The following USH2A variants were observed in gnomAD, a reference collection of about 807,000 sequenced individuals.
USH2A encodes the protein Usher syndrome 2A (autosomal recessive, mild).
In USH2A, 443 loss-of-function variants were observed where a neutral mutation model predicts 538.9. That is an observed-to-expected ratio of 0.82 (90% CI 0.76 to 0.89). USH2A has a LOEUF of 0.89. Among genes scored for constraint, USH2A ranks in the 40% least tolerant of loss-of-function variants. The pLI is 0.00. For missense variants in USH2A, 6,633 were observed against 6,324.8 expected, an observed-to-expected ratio of 1.05 and a Z score of -1.65; for synonymous variants, 2,413 against 2,273.5, an observed-to-expected ratio of 1.06 and a Z score of -1.75.
intron 21 of USH2A, among the ~76,000 whole-genome samples, chr1:216,150,725 A>G (rs567663937): frequency 1.3e-5 from 2 of 151,552 alleles, no homozygotes; most frequent in South Asian, 4.2e-4. Context: ...CCTTATATTA[A>G]CTCTACTCCC....
intron 35 of USH2A, among the ~76,000 whole-genome samples, chr1:215,978,042 A>C (rs1440050044): frequency 2.0e-5 from 3 of 152,128 alleles, no homozygotes; most frequent in Non-Finnish European, 4.4e-5. Flanking sequence ...TGGCAGAATC[A>C]CTCAGGCCCA....
chr1:215,892,153 G>A (rs1015509039), intron 40 of USH2A, among the ~76,000 whole-genome samples: 1 of 152,054 alleles, frequency 6.6e-6, no homozygotes, highest in African/African-American at 2.4e-5. Flanking sequence ...GCACACACTT[G>A]TTTGTATTTG....
At chr1:215,638,008 C>A (rs1326440983) in intron 69 of USH2A, among the ~76,000 whole-genome samples, 1 of 152,090 alleles carries the variant, frequency 6.6e-6, no homozygotes, top group Non-Finnish European at 1.5e-5. Flanking sequence ...AAAAGATGCT[C>A]CTTAAAAATT....
At chr1:216,114,490 AT>A (rs1254717183) in intron 21 of USH2A, among the ~76,000 whole-genome samples, 3 of 151,994 alleles carry the variant, frequency 2.0e-5, no homozygotes, top group Non-Finnish European at 2.9e-5. Flanking sequence ...TCCACTTATT[AT>A]TTTTGTCTTA....
At chr1:216,125,863 C>T (rs954572552) in intron 21 of USH2A, among the ~76,000 whole-genome samples, 70 of 152,264 alleles carry the variant, frequency 4.6e-4, no homozygotes, top group African/African-American at 1.5e-3. Flanking sequence ...TCCTTAATTC[C>T]TTAATTCAAT....
At chr1:215,736,005 A>G (rs1660145207) in intron 60 of USH2A, among the ~76,000 whole-genome samples, 1 of 152,190 alleles carries the variant, frequency 6.6e-6, no homozygotes, top group Non-Finnish European at 1.5e-5. Context: ...GTAAAAATGG[A>G]AAATTAGGGA....
chr1:215,743,341 A>G lies in USH2A; in HGVS notation c.11390-6T>C. ...AATTTCGGGGATGAGGATCCCTTTAAAGAGAGAGAGAGAGAGAGAACATTA... is the reference window on the plus strand; with the variant it reads ...AATTTCGGGGATGAGGATCCCTTTAGAGAGAGAGAGAGAGAGAGAACATTA... On this transcript the variant is annotated splice_region_variant and splice_polypyrimidine_tract_variant and intron_variant, in intron 58 of 71. Transcript: ENST00000307340. The G allele has an allele frequency of 6.8e-7, 1 of 1,461,914 alleles. No individual in the cohort carries two copies. Among genetic ancestry groups the G allele is most frequent in the Non-Finnish European group, 9.3e-7 (1 of 1,079,074 alleles). 90.6% of individuals were successfully genotyped at this position (1,461,914 alleles called of 1,614,324 possible).
At chr1:215,808,866 T>G (rs1571707656) in intron 49 of USH2A, among the ~76,000 whole-genome samples, 1 of 152,120 alleles carries the variant, frequency 6.6e-6, no homozygotes, top group African/African-American at 2.4e-5. Flanking sequence ...TAAACCCTCA[T>G]GTACAGGTTT....
intron 32 of USH2A, among the ~76,000 whole-genome samples, chr1:216,020,235 G>C (rs1668816762): frequency 6.6e-6 from 1 of 152,056 alleles, no homozygotes; most frequent in Non-Finnish European, 1.5e-5. Flanking sequence ...ACTTGGCCAG[G>C]CTATGGTATC....
intron 19 of USH2A, among the ~76,000 whole-genome samples, chr1:216,193,867 G>A (rs1287943191): frequency 3.3e-5 from 5 of 152,114 alleles, no homozygotes; most frequent in South Asian, 2.1e-4. Flanking sequence ...ACACCAGCCC[G>A]AGGACACAAA....
chr1:216,134,914 T>A (rs779968370), intron 21 of USH2A, among the ~76,000 whole-genome samples: 4 of 152,070 alleles, frequency 2.6e-5, no homozygotes, highest in Non-Finnish European at 5.9e-5. Context: ...CAGTAGTACA[T>A]AAGCATATGA....
At chr1:216,351,650 A>G (rs953774909) in intron 4 of USH2A, among the ~76,000 whole-genome samples, 13 of 152,096 alleles carry the variant, frequency 8.5e-5, no homozygotes, top group African/African-American at 2.4e-4. Flanking sequence ...CTTGACTGAT[A>G]TTTAACAGAA....
intron 58 of USH2A, among the ~76,000 whole-genome samples, chr1:215,744,791 C>T (rs1660426316): frequency 6.6e-6 from 1 of 152,176 alleles, no homozygotes; most frequent in Admixed American, 6.5e-5. Context: ...TCAATTGCTT[C>T]CTCAGGAAAG....
At chr1:216,122,621 T>A (rs554683435) in intron 21 of USH2A, among the ~76,000 whole-genome samples, 3 of 152,140 alleles carry the variant, frequency 2.0e-5, no homozygotes, top group Non-Finnish European at 4.4e-5. Context: ...TATATGTGGG[T>A]CTTGGGAAGG....
intron 44 of USH2A, among the ~76,000 whole-genome samples, chr1:215,848,166 C>T (rs1663916176): frequency 6.6e-6 from 1 of 152,050 alleles, no homozygotes; most frequent in Non-Finnish European, 1.5e-5. Context: ...TGAGTGCAAA[C>T]GTTTCTTCTG....
chr1:215,781,658 T>C (rs17025419), intron 54 of USH2A, among the ~76,000 whole-genome samples: 10,909 of 152,260 alleles, frequency 0.072, 763 homozygotes, highest in East Asian at 0.35. Context: ...CTTCATTTTT[T>C]AAAATCAGAC....
Position 215,640,705 on chromosome 1 carries a change from C to T in USH2A, c.14821G>A (p.Asp4941Asn), listed in dbSNP as rs1174464595. Residue 4941 changes from aspartate to asparagine, a missense_variant, in exon 68 of 72, where the codon GAC becomes AAC. Coordinates refer to ENST00000307340, the MANE Select transcript of USH2A (RefSeq NM_206933.4). ...ACACACACCACAGACAAATTGCTGTCCACCGAAAATGGGGCTCGGTACTGA... is the reference window on the plus strand; with the variant it reads ...ACACACACCACAGACAAATTGCTGTTCACCGAAAATGGGGCTCGGTACTGA... The part of the protein sequence containing the change: ...LPQYRAPFSV[D>N]SNLSVVCVNW... The T allele has an allele frequency of 2.5e-6, 4 of 1,613,590 alleles. No individual in the cohort carries two copies. The African/African-American group carries it at 4.0e-5, about 16-fold the overall frequency.
chr1:216,329,081 G>A (rs2037795675), intron 4 of USH2A, among the ~76,000 whole-genome samples: 1 of 152,086 alleles, frequency 6.6e-6, no homozygotes, highest in African/African-American at 2.4e-5. Context: ...CCCGTAGGGA[G>A]AGTTTCTCTA....
Position 215,675,501 on chromosome 1 carries a change from C to T in USH2A, c.12410G>A (p.Arg4137Lys). Residue 4137 changes from arginine to lysine, a missense_variant, in exon 63 of 72, where the codon AGA becomes AAA. Arg to Lys is a conservative substitution (Grantham distance 26). Coordinates refer to ENST00000307340, the MANE Select transcript of USH2A (RefSeq NM_206933.4). Reference sequence around the variant, plus strand: ...AGGCGCCGAGTGTGCACAACCTGCTCTGGTGCAGGCCTCCAGGGTCAGTGT... The same window carrying T: ...AGGCGCCGAGTGTGCACAACCTGCTTTGGTGCAGGCCTCCAGGGTCAGTGT... ...LYTLTLEACT[R>K]AGCAHSAPQP... 1 of 1,614,094 alleles carries T rather than the reference C, an allele frequency of 6.2e-7. No homozygotes were observed. Among genetic ancestry groups the T allele is most frequent in the Non-Finnish European group, 8.5e-7 (1 of 1,180,004 alleles).
Sources: gnomAD v4.1 joint callset for allele counts (sites outside exome capture counted in the v4.1 genomes callset) on GRCh38, gnomAD v4.1.1 for gene constraint, MANE v1.5 for transcripts, NCBI Gene and HGNC (gene_info 2026-07-23, HGNC 2026-07-21) for gene names.